The following IPO7 variants were observed in gnomAD, a reference collection of about 807,000 sequenced individuals.
IPO7 encodes the protein importin-7.
A neutral mutation model predicts 136.4 loss-of-function variants in IPO7; 13 were observed. The ratio of observed to expected loss-of-function variants is 0.10; its 90% confidence interval spans 0.06 to 0.15. IPO7 has a LOEUF of 0.15. Ranked by LOEUF, IPO7 falls within the 10% of genes least tolerant of loss-of-function variation. IPO7 has a pLI of 1.00. For missense variants in IPO7, 857 were observed against 1,240.6 expected (o/e 0.69, Z 4.65); for synonymous variants, 403 against 404.4 (o/e 1.00, Z 0.04).
In IPO7 at chr11:9,436,274, C is replaced by A; in HGVS notation, c.2176C>A (p.Leu726Ile). Reference sequence around the variant, plus strand: ...ATTTATATTCTGTTTTGATCAGGTTCTTACAGGAGTTGCAGGAGAAGATGC... The same window carrying A: ...ATTTATATTCTGTTTTGATCAGGTTATTACAGGAGTTGCAGGAGAAGATGC... ...EMIYSMCKKV[L>I]TGVAGEDAEC... The change falls in exon 20 of 25, where the codon CTT (leucine) becomes ATT (isoleucine). Residue 726 changes from leucine (L) to isoleucine (I), a missense_variant. Coordinates refer to ENST00000379719, the MANE Select transcript of IPO7 (RefSeq NM_006391.3). The A allele has an allele frequency of 6.2e-7, 1 of 1,610,106 alleles. No individual in the cohort carries two copies. The highest frequency in any genetic ancestry group is 8.5e-7 in the Non-Finnish European group (1 of 1,176,450).
At chr11:9,402,433 C>A (rs1273426138) in intron 1 of IPO7, among the ~76,000 whole-genome samples, 1 of 131,520 alleles carries the variant, frequency 7.6e-6, no homozygotes, top group Non-Finnish European at 1.6e-5. Flanking sequence ...AAAAAGAATG[C>A]TAGTTGGGGG....
chr11:9,424,335 C>A (rs938480461), intron 10 of IPO7, among the ~76,000 whole-genome samples: 5 of 152,112 alleles, frequency 3.3e-5, no homozygotes, highest in Non-Finnish European at 7.4e-5. Context: ...ACTTTTGTGA[C>A]CCTGTTGTGA....
chr11:9,393,908 C>A (rs1854672902), intron 1 of IPO7, among the ~76,000 whole-genome samples: 2 of 151,930 alleles, frequency 1.3e-5, no homozygotes, highest in Admixed American at 6.6e-5. Context: ...TTTTTTGAGA[C>A]AGTCTCTCTC....
chr11:9,429,911 G>C, intron 15 of IPO7, 77 bp downstream of exon 15: 1 of 1,106,770 alleles, frequency 9.0e-7, no homozygotes, highest in Non-Finnish European at 1.3e-6. Context: ...GTCACCAGTG[G>C]CTTGCCTTAC....
At position 9,418,743 on chromosome 11, in the gene IPO7, T is replaced by G. The variant is rs534396407; in HGVS notation, c.726+1595T>G. On this transcript the variant is annotated intron_variant, in intron 6 of 24. Transcript: ENST00000379719. Reference sequence around the variant, plus strand: ...CACCGATTATAAATAAACAGTTCAGTGAGTTAGCACAATTATTATGTACCC... The same window carrying G: ...CACCGATTATAAATAAACAGTTCAGGGAGTTAGCACAATTATTATGTACCC... 1.7e-3 allele frequency among the ~76,000 whole-genome samples: 255 copies of G among 152,316 alleles called. 1 individual carries two copies. Among genetic ancestry groups the G allele is most frequent in the Non-Finnish European group, 2.6e-3 (179 of 68,028 alleles).
At chr11:9,432,989 G>GTTTTTTTTTTTTTGTTTTTT (rs1855318571) in intron 16 of IPO7, 1 of 123,226 alleles carries the variant, frequency 8.1e-6, no homozygotes, top group African/African-American at 2.9e-5. Context: ...CTTCCAAATG[G>GTTTTTTTTTTTTTGTTTTTT]TTTTTTTTTT....
intron 18 of IPO7, 75 bp downstream of exon 18, chr11:9,433,921 CACT>C: frequency 1.6e-6 from 2 of 1,239,158 alleles, no homozygotes. Context: ...TTTGAACATA[CACT>C]TTTTTTTTTT....
At chr11:9,426,752 T>A (rs1855214691) in intron 12 of IPO7, among the ~76,000 whole-genome samples, 2 of 152,130 alleles carry the variant, frequency 1.3e-5, no homozygotes, top group South Asian at 4.1e-4. Context: ...TTGCTTGCCT[T>A]TGTTTTTTTT....
Position 9,426,398 on chromosome 11 carries a change from C to G in IPO7, c.1335+1136C>G, listed in dbSNP as rs143725365. Among the ~76,000 whole-genome samples, 5 of 152,276 alleles carry G rather than the reference C, an allele frequency of 3.3e-5. No individual in the cohort carries two copies. The East Asian group carries it at 9.6e-4, about 29-fold the overall frequency. ...AATTATATTTCATTATATTAATATA[C>G]CACATTTTATTTACTCATTCATTAG... is the stretch of plus-strand genomic sequence containing the variant. On this transcript the variant is annotated intron_variant, in intron 12 of 24. Transcript: ENST00000379719.
At position 9,425,268 on chromosome 11, in the gene IPO7, CT is replaced by C; in HGVS notation, c.1335+9del. On this transcript the variant is annotated splice_region_variant and intron_variant, in intron 12 of 24. Transcript: ENST00000379719. Reference sequence around the variant, plus strand: ...TAGCTGAAATACTTCTGAAGGTATTCTTTAGTGTGTTTGTATGTGCATGACT... The same window carrying C: ...TAGCTGAAATACTTCTGAAGGTATTCTTAGTGTGTTTGTATGTGCATGACT... 2 of 1,490,222 alleles carry C rather than the reference CT, an allele frequency of 1.3e-6. No homozygotes were observed. The highest frequency in any genetic ancestry group is 9.4e-7 in the Non-Finnish European group (1 of 1,067,754). 92.3% of individuals were successfully genotyped at this position (1,490,222 alleles called of 1,614,324 possible).
At chr11:9,417,558 ACT>A (rs1386227377) in intron 6 of IPO7, among the ~76,000 whole-genome samples, 3 of 151,756 alleles carry the variant, frequency 2.0e-5, no homozygotes, top group Non-Finnish European at 2.9e-5. Flanking sequence ...TTTCTTAATA[ACT>A]CTATTGAGAA....
intron 1 of IPO7, among the ~76,000 whole-genome samples, chr11:9,390,119 G>A (rs955196728): frequency 5.3e-5 from 8 of 152,156 alleles, no homozygotes; most frequent in Non-Finnish European, 7.4e-5. Context: ...TCGAACTCCT[G>A]ACCTCAGGTG....
chr11:9,429,661 C>T lies in IPO7; in HGVS notation c.1592-13C>T, dbSNP rs367565760. The T allele has an allele frequency of 9.4e-6, 15 of 1,592,170 alleles. No individual in the cohort carries two copies. In the Admixed American group the frequency reaches 2.6e-4, roughly 27 times the overall value. ...AGGGGTTTTACGCAAGTTTTTTACT[C>T]TTTCTCTTACAGCTAAAGAATATAT... On this transcript the variant is annotated splice_polypyrimidine_tract_variant and intron_variant, in intron 14 of 24. Transcript: ENST00000379719.
intron 1 of IPO7, among the ~76,000 whole-genome samples, chr11:9,390,100 A>G (rs556847259): frequency 1.6e-4 from 25 of 152,266 alleles, no homozygotes; most frequent in Admixed American, 1.2e-3. Flanking sequence ...CATGTTGGCC[A>G]GGCTGGTCTC....
chr11:9,423,671 G>T, intron 9 of IPO7, 106 bp from the exon 10 acceptor site: 1 of 662,912 alleles, frequency 1.5e-6, no homozygotes. Flanking sequence ...TTGATATTAA[G>T]CTTTAAAATA....
At chr11:9,390,072 G>A (rs574574207) in intron 1 of IPO7, among the ~76,000 whole-genome samples, 1 of 152,074 alleles carries the variant, frequency 6.6e-6, no homozygotes, top group African/African-American at 2.4e-5. Context: ...TATATTTTTA[G>A]TAGAGACGGG....
rs751201593 is a variant in IPO7, at chr11:9,417,056, T to C, written c.637-3T>C. ...GAAATATTAATTCTTGACTTTTATT[T>C]AGTATACACTACCACTGGAACTGAT... On this transcript the variant is annotated splice_region_variant and splice_polypyrimidine_tract_variant and intron_variant, in intron 5 of 24. Coordinates refer to ENST00000379719, the MANE Select transcript of IPO7 (RefSeq NM_006391.3). The C allele has an allele frequency of 8.0e-6, 11 of 1,371,286 alleles. No homozygotes were observed. Among genetic ancestry groups the C allele is most frequent in the South Asian group, 1.2e-5 (1 of 80,802 alleles). The allele number at this position is 1,371,286 out of a possible 1,614,324, so 84.9% of individuals were successfully genotyped here. A position where few individuals can be genotyped will look rare whatever the true frequency, so the allele number is the denominator to read the frequency against.
At chr11:9,388,428 G>GCCTC (rs1290355880) in intron 1 of IPO7, among the ~76,000 whole-genome samples, 2 of 151,574 alleles carry the variant, frequency 1.3e-5, no homozygotes, top group African/African-American at 4.8e-5. Flanking sequence ...GCCCACCTCG[G>GCCTC]CCTCCCAAAG....
At chr11:9,427,380 C>A (rs1855226710) in intron 12 of IPO7, among the ~76,000 whole-genome samples, 1 of 152,170 alleles carries the variant, frequency 6.6e-6, no homozygotes, top group Non-Finnish European at 1.5e-5. Flanking sequence ...CCTGCCTCAG[C>A]CTCCCGAGTA....
Sources: allele counts gnomAD v4.1 joint callset (sites outside exome capture counted in the v4.1 genomes callset), GRCh38; gene constraint gnomAD v4.1.1; transcripts MANE v1.5; gene names NCBI Gene and HGNC (gene_info 2026-07-23, HGNC 2026-07-21).